PRPF4: variants seen among roughly 807,000 people sequenced by gnomAD.
PRPF4 encodes the protein U4/U6 small nuclear ribonucleoprotein Prp4.
PRPF4 carries 14 observed loss-of-function variants against 72.2 expected under a neutral mutation model. The observed-to-expected ratio is 0.19, with a 90% confidence interval of 0.13 to 0.30. PRPF4 has a LOEUF of 0.30. Ranked by LOEUF, PRPF4 falls within the 10% of genes least tolerant of loss-of-function variation. The probability of loss-of-function intolerance (pLI) is 1.00; values close to 1 mark genes in which losing one functional copy is unlikely to be tolerated. For synonymous variants in PRPF4, 225 were observed against 232.2 expected (o/e 0.97, Z 0.28); for missense variants, 478 against 653.9 (o/e 0.73, Z 2.93).
rs761649658 is a variant in PRPF4 at position 113,291,629 on chromosome 9, A to G, written c.1535A>G (p.Asp512Gly). The change falls in exon 14 of 14, where the codon GAC (aspartate) becomes GGC (glycine). Residue 512 changes from aspartate to glycine, a missense_variant. Coordinates refer to ENST00000374198, the MANE Select transcript of PRPF4 (RefSeq NM_001244926.2). ...DGQLIATCSY[D>G]RTFKLWMAE is the part of the protein sequence containing the mutation. ...CAGCTCATAGCCACTTGCTCATATGACAGGACCTTCAAGCTGTGGATGGCT... is the reference window on the plus strand; with the variant it reads ...CAGCTCATAGCCACTTGCTCATATGGCAGGACCTTCAAGCTGTGGATGGCT... The G allele has an allele frequency of 9.3e-6, 15 of 1,614,206 alleles. No homozygotes were observed. The highest frequency in any genetic ancestry group is 1.1e-5 in the Non-Finnish European group (13 of 1,180,032).
At chr9:113,290,834 C>T (rs754043904) in intron 12 of PRPF4, 27 bp downstream of exon 12, 32 of 1,611,626 alleles carry the variant, frequency 2.0e-5, no homozygotes, top group African/African-American at 2.7e-5. Context: ...GAATGAGGGG[C>T]GAAAAAGGGT....
Position 113,275,665 on chromosome 9 carries a change from C to A in PRPF4, c.-79C>A. On this transcript the variant is annotated 5_prime_UTR_variant, in exon 1 of 14. Transcript: ENST00000374198. ...GCACTTCCTGTCAGTGACGCACTTCCCCTCTGCTGGGCGCGCGGTGGACGG... is the reference window on the plus strand; with the variant it reads ...GCACTTCCTGTCAGTGACGCACTTCACCTCTGCTGGGCGCGCGGTGGACGG... 6.6e-7 allele frequency: 1 copy of A among 1,526,656 alleles called. No individual in the cohort carries two copies. The highest frequency in any genetic ancestry group is 8.9e-7 in the Non-Finnish European group (1 of 1,123,268). The allele number at this position is 1,526,656 out of a possible 1,614,324, so 94.6% of individuals were successfully genotyped here.
Position 113,275,743 on chromosome 9 carries a change from C to G in PRPF4, c.-1C>G. ...GGGGCCTCGCGGCTCCAGAGCCCAG[C>G]ATGGCTTCCTCGCGAGCCTCTTCCA... On this transcript the variant is annotated 5_prime_UTR_variant, in exon 1 of 14. Coordinates refer to ENST00000374198, the MANE Select transcript of PRPF4 (RefSeq NM_001244926.2). 1 of 1,612,042 alleles carries G rather than the reference C, an allele frequency of 6.2e-7. No homozygotes were observed. The highest frequency in any genetic ancestry group is 8.5e-7 in the Non-Finnish European group (1 of 1,179,110).
chr9:113,286,483 ACT>A (rs1032700753), intron 8 of PRPF4, among the ~76,000 whole-genome samples, 193 bp downstream of exon 8: 17 of 152,212 alleles, frequency 1.1e-4, no homozygotes, highest in Admixed American at 1.1e-3. Context: ...GTGCAGTCAC[ACT>A]CTGGCATTTT....
chr9:113,276,235 G>A (rs1463022187), intron 1 of PRPF4, among the ~76,000 whole-genome samples: 1 of 152,212 alleles, frequency 6.6e-6, no homozygotes, highest in Non-Finnish European at 1.5e-5. Flanking sequence ...AATCCGGGAA[G>A]CATAAAACAC....
Position 113,291,579 on chromosome 9 carries a change from G to A in PRPF4, c.1485G>A (p.Met495Ile), listed in dbSNP as rs201960515. The change falls in exon 14 of 14, where the codon ATG becomes ATA. Residue 495 changes from methionine to isoleucine, a missense_variant. Coordinates refer to ENST00000374198, the MANE Select transcript of PRPF4 (RefSeq NM_001244926.2). ...KTLAGHEGKV[M>I]GLDISSDGQL... is the part of the protein sequence containing the mutation. ...TGGCTGGCCACGAAGGCAAAGTGAT[G>A]GGCCTAGATATTTCTTCCGATGGGC... 2.5e-6 allele frequency: 4 copies of A among 1,614,124 alleles called. No individual in the cohort carries two copies. The East Asian group carries it at 6.7e-5, about 27-fold the overall frequency.
Position 113,290,763 on chromosome 9 carries a change from A to G in PRPF4, c.1209A>G (p.Glu403=), listed in dbSNP as rs1832586062. The change falls in exon 12 of 14, where the codon GAA becomes GAG. Residue 403 remains glutamate (E), a synonymous_variant. Transcript: ENST00000374198. The stretch of plus-strand genomic sequence containing the variant: ...CAGGACGTTGTATCATGTTCTTAGA[A>G]GGCCACCTGAAAGAAATCTATGGAA... ...LRTGRCIMFL[E]GHLKEIYGIN... 1 of 1,614,104 alleles carries G rather than the reference A, an allele frequency of 6.2e-7. No homozygotes were observed. Among genetic ancestry groups the G allele is most frequent in the Non-Finnish European group, 8.5e-7 (1 of 1,180,056 alleles).
At position 113,282,625 on chromosome 9, in the gene PRPF4, CTT is replaced by C. The variant is rs199502579; in HGVS notation, c.393-7_393-6del. The stretch of plus-strand genomic sequence containing the variant: ...ATCTCAACCATGTTTAAATTCTGAT[CTT>C]TTTTTTTTTTTTTAACAGGTTAAGA... On this transcript the variant is annotated intron_variant, in intron 3 of 13. Transcript: ENST00000374198. 1.9e-3 allele frequency: 2,319 copies of C among 1,240,616 alleles called. No individual in the cohort carries two copies. Among genetic ancestry groups the C allele is most frequent in the African/African-American group, 4.2e-3 (266 of 64,036 alleles). The allele number at this position is 1,240,616 out of a possible 1,614,324, so 76.9% of individuals were successfully genotyped here. A position where few individuals can be genotyped will look rare whatever the true frequency, so the allele number is the denominator to read the frequency against.
At chr9:113,280,627 A>C (rs552976767) in intron 3 of PRPF4, among the ~76,000 whole-genome samples, 1 of 152,256 alleles carries the variant, frequency 6.6e-6, no homozygotes, top group South Asian at 2.1e-4. Context: ...ATGTTGTGTT[A>C]ATTGCTTGCT....
chr9:113,277,672 C>T (rs1832151424), intron 2 of PRPF4, among the ~76,000 whole-genome samples: 1 of 152,016 alleles, frequency 6.6e-6, no homozygotes, highest in Non-Finnish European at 1.5e-5. Flanking sequence ...AGGCGTGAGC[C>T]ACTGCACCTG....
intron 8 of PRPF4, 122 bp from the exon 9 acceptor site, chr9:113,286,583 G>A (rs922519109): frequency 3.0e-5 from 38 of 1,271,476 alleles, no homozygotes; most frequent in Non-Finnish European, 3.9e-5. Context: ...AATTAAAATA[G>A]TTCATGTTTT....
intron 2 of PRPF4, among the ~76,000 whole-genome samples, chr9:113,277,798 C>T (rs1032129835): frequency 2.0e-5 from 3 of 152,126 alleles, no homozygotes; most frequent in Non-Finnish European, 4.4e-5. Context: ...GCCCAGGAAT[C>T]CAAGACCAGC....
chr9:113,277,638 G>A (rs998528277), intron 2 of PRPF4, among the ~76,000 whole-genome samples: 8 of 151,990 alleles, frequency 5.3e-5, no homozygotes, highest in Admixed American at 2.0e-4. Context: ...CGCCCACCTC[G>A]GCCTCCCAAA....
chr9:113,286,974 C>T (rs567575512), intron 9 of PRPF4, 146 bp downstream of exon 9: 4 of 1,218,446 alleles, frequency 3.3e-6, no homozygotes, highest in East Asian at 4.8e-5. Flanking sequence ...ATTGCTTAAA[C>T]CCGGGAAATG....
At chr9:113,278,420 A>AT (rs1459043866) in intron 2 of PRPF4, among the ~76,000 whole-genome samples, 1 of 152,196 alleles carries the variant, frequency 6.6e-6, no homozygotes, top group Non-Finnish European at 1.5e-5. Flanking sequence ...TGTACCTCTC[A>AT]TTTTTTATCA....
chr9:113,280,379 C>G (rs1380588490), intron 3 of PRPF4, among the ~76,000 whole-genome samples: 1 of 152,118 alleles, frequency 6.6e-6, no homozygotes, highest in Non-Finnish European at 1.5e-5. Context: ...TGATGATTCC[C>G]AAATCTCTCA....
Position 113,287,435 on chromosome 9 carries a change from A to G in PRPF4, c.932+607A>G, listed in dbSNP as rs1171311583. Among the ~76,000 whole-genome samples the G allele has an allele frequency of 3.3e-5, 5 of 151,564 alleles. No homozygotes were observed. The East Asian group carries it at 9.7e-4, about 29-fold the overall frequency. ...TAGCATCATCCTTTACCTAGAATGT[A>G]TTTTCCAACTACAACAGTTTTTAAA... On this transcript the variant is annotated intron_variant, in intron 9 of 13. Transcript: ENST00000374198.
intron 4 of PRPF4, 83 bp from the exon 5 acceptor site, chr9:113,283,049 G>A: frequency 6.3e-7 from 1 of 1,593,932 alleles, no homozygotes; most frequent in Middle Eastern, 1.7e-4. Context: ...CTTCCTTCTG[G>A]GCAGTTAAAA....
intron 8 of PRPF4, among the ~76,000 whole-genome samples, 187 bp downstream of exon 8, chr9:113,286,477 A>G (rs1181688152): frequency 6.6e-6 from 1 of 152,226 alleles, no homozygotes; most frequent in Non-Finnish European, 1.5e-5. Flanking sequence ...TCTCATGTGC[A>G]GTCACACTCT....
Sources: allele counts gnomAD v4.1 joint callset (sites outside exome capture counted in the v4.1 genomes callset), GRCh38; gene constraint gnomAD v4.1.1; transcripts MANE v1.5; gene names NCBI Gene and HGNC (gene_info 2026-07-23, HGNC 2026-07-21).